RPGRIP1L: variants seen among roughly 807,000 people sequenced by gnomAD.
RPGRIP1L encodes protein fantom.
A neutral mutation model predicts 160.4 loss-of-function variants in RPGRIP1L; 131 were observed. The ratio of observed to expected loss-of-function variants is 0.82; its 90% CI spans 0.71 to 0.94. RPGRIP1L has a LOEUF of 0.94. RPGRIP1L is among the 40% of genes least tolerant of loss of function. The pLI is 0.00. For synonymous variants in RPGRIP1L, 510 were observed against 515.8 expected (o/e 0.99, Z 0.15); for missense variants, 1,522 against 1,535.8 (o/e 0.99, Z 0.15).
chr16:53,695,155 C>T (rs1970657882), intron 3 of RPGRIP1L: 3 of 559,314 alleles, frequency 5.4e-6, no homozygotes, highest in Middle Eastern at 3.1e-4. Context: ...TTTTACTGAC[C>T]AATTAGGCTT....
chr16:53,619,311 C>T (rs1040469271), intron 23 of RPGRIP1L, 103 bp from the exon 24 acceptor site: 42 of 994,822 alleles, frequency 4.2e-5, no homozygotes, highest in Non-Finnish European at 6.2e-5. Flanking sequence ...ACACGAAGGC[C>T]AATGGGCTTC....
intron 24 of RPGRIP1L, among the ~76,000 whole-genome samples, chr16:53,618,606 A>G (rs57109422): frequency 0.051 from 7,835 of 152,216 alleles, 411 homozygotes; most frequent in East Asian, 0.31. Flanking sequence ...TGCGGTGGCA[A>G]GATCAGAGCT....
chr16:53,619,201 T>C lies in RPGRIP1L; in HGVS notation c.3440A>G (p.Glu1147Gly). 4 of 1,613,200 alleles carry C rather than the reference T, an allele frequency of 2.5e-6. No homozygotes were observed. The highest frequency in any genetic ancestry group is 3.4e-6 in the Non-Finnish European group (4 of 1,179,954). Reference sequence around the variant, plus strand: ...AGCTATGATCTCAATCCGAATTTTTTCTGATGGCTGTTTAAAGAGCAAAAA... The same window carrying C: ...AGCTATGATCTCAATCCGAATTTTTCCTGATGGCTGTTTAAAGAGCAAAAA... ...TGACHHTQPS[E>G]KIRIEIIALS... Residue 1147 changes from glutamate to glycine, a missense_variant, in exon 24 of 27, where the codon GAA becomes GGA. Glu to Gly is a moderately conservative substitution (Grantham distance 98). Coordinates refer to ENST00000647211, the MANE Select transcript of RPGRIP1L (RefSeq NM_015272.5).
intron 25 of RPGRIP1L, among the ~76,000 whole-genome samples, chr16:53,609,306 C>T (rs1427680773): frequency 3.3e-5 from 5 of 152,000 alleles, no homozygotes; most frequent in African/African-American, 7.2e-5. Context: ...CTATGTTGCT[C>T]AGGCCAGTCT....
intron 3 of RPGRIP1L, chr16:53,695,179 T>G: frequency 1.8e-6 from 1 of 561,170 alleles, no homozygotes; most frequent in Non-Finnish European, 3.2e-6. Context: ...AAGAAAAAAA[T>G]TGTTAGGTGG....
chr16:53,633,770 G>T (rs1209024900), intron 22 of RPGRIP1L, among the ~76,000 whole-genome samples: 2 of 151,982 alleles, frequency 1.3e-5, no homozygotes, highest in African/African-American at 4.8e-5. Context: ...AGAGAGACTA[G>T]AAATGATAAA....
intron 24 of RPGRIP1L, among the ~76,000 whole-genome samples, chr16:53,615,473 T>TA (rs35634061): frequency 0.022 from 954 of 43,188 alleles, 1 homozygote; most frequent in Non-Finnish European, 0.028. Flanking sequence ...TATATATATA[T>TA]TTTTTTTTTT....
intron 4 of RPGRIP1L, among the ~76,000 whole-genome samples, chr16:53,689,257 A>G (rs1225872906): frequency 6.6e-6 from 1 of 151,990 alleles, no homozygotes; most frequent in Non-Finnish European, 1.5e-5. Flanking sequence ...AATATTTCAA[A>G]TCTCTTCTGG....
intron 9 of RPGRIP1L, among the ~76,000 whole-genome samples, chr16:53,665,715 C>T (rs1968188580): frequency 6.6e-6 from 1 of 152,092 alleles, no homozygotes; most frequent in Admixed American, 6.6e-5. Context: ...AATCAAGACC[C>T]AGCATATCAG....
At chr16:53,680,713 G>T (rs984712875) in intron 6 of RPGRIP1L, among the ~76,000 whole-genome samples, 2 of 152,064 alleles carry the variant, frequency 1.3e-5, no homozygotes, top group Non-Finnish European at 2.9e-5. Context: ...GGATGTCCTT[G>T]TTCCTAGAAG....
chr16:53,659,260 G>T (rs1967556857), intron 10 of RPGRIP1L: 3 of 842,190 alleles, frequency 3.6e-6, no homozygotes, highest in East Asian at 2.2e-4. Flanking sequence ...TTGTCTTTTA[G>T]TTTTTTAATT....
intron 22 of RPGRIP1L, 107 bp from the exon 23 acceptor site, chr16:53,622,463 C>T: frequency 3.8e-6 from 2 of 521,436 alleles, no homozygotes; most frequent in Non-Finnish European, 6.8e-6. Context: ...CTCTCCTCTC[C>T]CCCAATCCTA....
chr16:53,625,097 G>A (rs1365135667), intron 22 of RPGRIP1L, among the ~76,000 whole-genome samples: 1 of 152,096 alleles, frequency 6.6e-6, no homozygotes, highest in Non-Finnish European at 1.5e-5. Flanking sequence ...GTGCAGTGGC[G>A]TGATCTTGGC....
chr16:53,636,983 C>T (rs1188270824), intron 21 of RPGRIP1L, among the ~76,000 whole-genome samples: 1 of 140,818 alleles, frequency 7.1e-6, no homozygotes, highest in Non-Finnish European at 1.5e-5. Context: ...CACACACACA[C>T]ACACTCTTTA....
chr16:53,671,482 T>G (rs541626834), intron 9 of RPGRIP1L, 28 bp downstream of exon 9: 1 of 1,422,558 alleles, frequency 7.0e-7, no homozygotes, highest in South Asian at 1.2e-5. Flanking sequence ...AACAAGACAA[T>G]GAAAGAACAC....
At chr16:53,605,266 TA>T in intron 26 of RPGRIP1L, 1 of 608,370 alleles carries the variant, frequency 1.6e-6, no homozygotes. Context: ...TTAATTATTT[TA>T]CAATTGCTGT....
At chr16:53,653,321 A>C in intron 14 of RPGRIP1L, 1 of 1,132,802 alleles carries the variant, frequency 8.8e-7, no homozygotes, top group Non-Finnish European at 1.1e-6. Flanking sequence ...TCTCTGCTCC[A>C]CCCATTGTCT....
At chr16:53,603,578 G>A (rs1008364425) in intron 26 of RPGRIP1L, among the ~76,000 whole-genome samples, 32 of 152,096 alleles carry the variant, frequency 2.1e-4, no homozygotes, top group African/African-American at 7.7e-4. Flanking sequence ...CAGTCCACCT[G>A]CCTTGGTCTC....
Position 53,605,598 on chromosome 16 carries a change from C to T in RPGRIP1L, c.3718G>A (p.Val1240Ile). The T allele has an allele frequency of 6.2e-7, 1 of 1,614,074 alleles. No individual in the cohort carries two copies. The change falls in exon 26 of 27, where the codon GTC becomes ATC. Residue 1240 changes from valine to isoleucine, a missense_variant. By Grantham distance (29) the Val-to-Ile change is conservative. Coordinates refer to ENST00000647211, the MANE Select transcript of RPGRIP1L (RefSeq NM_015272.5). ...MPNRSLRFTV[V>I]SDPPEDEQDL... ...TGCTCGTCCTCTGGAGGGTCACTGA[C>T]CACGGTGAAGCGAAGGCTGGTAAGG...
Sources: allele counts gnomAD v4.1 joint callset (sites outside exome capture counted in the v4.1 genomes callset), GRCh38; gene constraint gnomAD v4.1.1; transcripts MANE v1.5; gene names NCBI Gene and HGNC (gene_info 2026-07-23, HGNC 2026-07-21).